ROBO1: variants seen among roughly 807,000 people sequenced by gnomAD.
ROBO1 encodes the protein roundabout guidance receptor 1.
Under a neutral mutation model 195.9 loss-of-function variants are expected in ROBO1, and 149 were observed. The observed-to-expected ratio is 0.76, with a 90% CI of 0.67 to 0.87. ROBO1 has a LOEUF of 0.87. ROBO1 is among the 40% of genes least tolerant of loss of function. ROBO1 has a pLI of 0.00. For missense variants in ROBO1, 1,933 were observed against 2,068.3 expected, an observed-to-expected ratio of 0.93 and a Z score of 1.27; for synonymous variants, 816 against 733.2, an observed-to-expected ratio of 1.11 and a Z score of -1.82.
chr3:79,252,112 A>C (rs1307149184), intron 2 of ROBO1, among the ~76,000 whole-genome samples: 1 of 152,006 alleles, frequency 6.6e-6, no homozygotes, highest in Non-Finnish European at 1.5e-5. Flanking sequence ...AAGAATGACT[A>C]TTTAGATTTT....
At chr3:79,040,427 C>T (rs959154450) in intron 3 of ROBO1, among the ~76,000 whole-genome samples, 1 of 152,090 alleles carries the variant, frequency 6.6e-6, no homozygotes, top group Non-Finnish European at 1.5e-5. Flanking sequence ...TATACAAGAG[C>T]TTATAATCTT....
intron 2 of ROBO1, among the ~76,000 whole-genome samples, chr3:79,576,805 G>C (rs1471074156): frequency 6.6e-6 from 1 of 152,132 alleles, no homozygotes; most frequent in Non-Finnish European, 1.5e-5. Context: ...TCTAAACCTT[G>C]TGTTTGAAAC....
chr3:79,512,663 A>G (rs980768313), intron 2 of ROBO1: 2 of 152,198 alleles, frequency 1.3e-5, no homozygotes, highest in African/African-American at 4.8e-5. Flanking sequence ...CATCATCACA[A>G]TAGAATAATA....
intron 2 of ROBO1, among the ~76,000 whole-genome samples, chr3:79,194,485 A>G (rs1360867788): frequency 6.6e-6 from 1 of 151,658 alleles, no homozygotes; most frequent in Admixed American, 6.6e-5. Flanking sequence ...CACTACCTAC[A>G]CAAAAAATAC....
intron 2 of ROBO1, among the ~76,000 whole-genome samples, chr3:79,225,711 G>A (rs1407726742): frequency 1.3e-5 from 2 of 152,058 alleles, no homozygotes; most frequent in Admixed American, 1.3e-4. Flanking sequence ...TTATTAAAAG[G>A]AAAACAAAAC....
intron 25 of ROBO1, 141 bp downstream of exon 25, chr3:78,631,020 A>G (rs1705146824): frequency 1.2e-6 from 1 of 864,596 alleles, no homozygotes; most frequent in Non-Finnish European, 1.7e-6. Context: ...CTTCCTGCTG[A>G]CCAGCACTAT....
intron 1 of ROBO1, among the ~76,000 whole-genome samples, chr3:79,658,866 A>G (rs562423535): frequency 6.6e-6 from 1 of 151,476 alleles, no homozygotes; most frequent in African/African-American, 2.4e-5. Context: ...CTTCCCAAGT[A>G]GCTGAGATTA....
At chr3:79,470,257 G>A (rs942135055) in intron 2 of ROBO1, among the ~76,000 whole-genome samples, 5 of 152,212 alleles carry the variant, frequency 3.3e-5, no homozygotes, top group Admixed American at 1.3e-4. Context: ...GATGTCCTTT[G>A]TAGGGACATG....
At chr3:78,884,587 G>GAGAAAGAA (rs1346250878) in intron 4 of ROBO1, among the ~76,000 whole-genome samples, 2 of 146,016 alleles carry the variant, frequency 1.4e-5, no homozygotes, top group Admixed American at 6.9e-5. Context: ...GAGAGAAAGG[G>GAGAAAGAA]AGAAAGAAAG....
intron 1 of ROBO1, among the ~76,000 whole-genome samples, chr3:79,634,940 A>G (rs1945454187): frequency 6.6e-6 from 1 of 152,220 alleles, no homozygotes; most frequent in Non-Finnish European, 1.5e-5. Context: ...TTAATGTTAT[A>G]TGGAACTTAA....
chr3:78,702,615 T>C (rs79358546), intron 8 of ROBO1, among the ~76,000 whole-genome samples: 2 of 152,340 alleles, frequency 1.3e-5, no homozygotes, highest in East Asian at 3.9e-4. Context: ...GTAATTTATT[T>C]CTCCAAATTT....
intron 3 of ROBO1, among the ~76,000 whole-genome samples, chr3:78,960,567 T>C (rs1187809265): frequency 5.3e-5 from 8 of 151,598 alleles, no homozygotes. Context: ...AATCACGAGG[T>C]CAAGAGATCG....
At chr3:79,366,593 G>A (rs1577027537) in intron 2 of ROBO1, among the ~76,000 whole-genome samples, 2 of 151,912 alleles carry the variant, frequency 1.3e-5, no homozygotes, top group East Asian at 3.9e-4. Flanking sequence ...TCTTTTCTTG[G>A]CTCTCTTGGA....
chr3:79,583,617 A>C (rs1319422225), intron 2 of ROBO1, among the ~76,000 whole-genome samples: 2 of 151,956 alleles, frequency 1.3e-5, no homozygotes, highest in African/African-American at 2.4e-5. Context: ...AAGAAGCTGT[A>C]ATATAATTGT....
At chr3:79,683,457 CAT>C (rs1947009285) in intron 1 of ROBO1, among the ~76,000 whole-genome samples, 1 of 151,536 alleles carries the variant, frequency 6.6e-6, no homozygotes, top group East Asian at 1.9e-4. Context: ...ATATACCTAA[CAT>C]AATTATTTTA....
At chr3:79,280,562 G>C (rs572445759) in intron 2 of ROBO1, among the ~76,000 whole-genome samples, 3 of 152,194 alleles carry the variant, frequency 2.0e-5, no homozygotes, top group African/African-American at 7.2e-5. Context: ...AGAGTTTCTT[G>C]TACCTTAACA....
At chr3:78,631,679 A>C (rs1445910080) in intron 24 of ROBO1, among the ~76,000 whole-genome samples, 3 of 152,200 alleles carry the variant, frequency 2.0e-5, no homozygotes, top group African/African-American at 7.2e-5. Context: ...ACAATATGAT[A>C]CAGATACGAT....
chr3:79,736,992 T>G (rs1703419924), intron 1 of ROBO1, among the ~76,000 whole-genome samples: 1 of 152,226 alleles, frequency 6.6e-6, no homozygotes, highest in African/African-American at 2.4e-5. Context: ...ATTTCAGTTT[T>G]TGTACTGGAT....
intron 2 of ROBO1, among the ~76,000 whole-genome samples, chr3:79,127,723 T>C (rs564498624): frequency 6.6e-6 from 1 of 152,194 alleles, no homozygotes. Flanking sequence ...AAAATAAATT[T>C]ACTGTCATTT....
Sources: allele counts gnomAD v4.1 joint callset (sites outside exome capture counted in the v4.1 genomes callset), GRCh38; gene constraint gnomAD v4.1.1; transcripts MANE v1.5; gene names NCBI Gene and HGNC (gene_info 2026-07-23, HGNC 2026-07-21).